The following ACSL3 variants were observed in gnomAD, a reference collection of about 807,000 sequenced individuals.
ACSL3 encodes the protein fatty acid CoA ligase Acsl3.
A neutral mutation model predicts 84.7 loss-of-function variants in ACSL3; 34 were observed. The observed-to-expected ratio is 0.40, with a 90% CI of 0.31 to 0.53. The LOEUF (loss-of-function observed/expected upper bound fraction) is 0.53. Among genes scored for constraint, ACSL3 ranks in the 20% least tolerant of loss-of-function variants. The pLI is 0.48. For synonymous variants in ACSL3, 315 were observed against 299.4 expected, an observed-to-expected ratio of 1.05 and a Z score of -0.54; for missense variants, 680 against 873.1, an observed-to-expected ratio of 0.78 and a Z score of 2.79.
intron 5 of ACSL3, among the ~76,000 whole-genome samples, chr2:222,917,055 C>T (rs1696603726): frequency 1.3e-5 from 2 of 152,236 alleles, no homozygotes; most frequent in South Asian, 4.2e-4. Flanking sequence ...AGAAAATACA[C>T]TTTCACCAGA....
rs189102164 is a variant in ACSL3 at position 222,914,185 on chromosome 2, G to A, written c.379-2134G>A. On this transcript the variant is annotated intron_variant, in intron 4 of 16. Coordinates refer to ENST00000357430, the MANE Select transcript of ACSL3 (RefSeq NM_004457.5). ...TAAAGAGGTTTTCAGTAGGAGACAA[G>A]ATTACCACCTGTAAGTAGAGAGAAG... is the stretch of plus-strand genomic sequence containing the variant. Among the ~76,000 whole-genome samples, 71 of 151,956 alleles carry A rather than the reference G, an allele frequency of 4.7e-4. 1 individual carries two copies. The highest frequency in any genetic ancestry group is 1.7e-3 in the African/African-American group (69 of 41,428).
At chr2:222,901,266 A>G (rs1696140968) in intron 3 of ACSL3, among the ~76,000 whole-genome samples, 1 of 152,232 alleles carries the variant, frequency 6.6e-6, no homozygotes, top group African/African-American at 2.4e-5. Context: ...GAAGGGTTAC[A>G]ACTTTTGCTT....
chr2:222,920,993 C>T (rs536027822), intron 7 of ACSL3: 22 of 529,666 alleles, frequency 4.2e-5, no homozygotes, highest in Admixed American at 2.0e-4. Flanking sequence ...TCTACAGAGA[C>T]GGTCTCCAGG....
intron 5 of ACSL3, chr2:222,917,604 A>T (rs1041157063): frequency 5.9e-5 from 9 of 152,678 alleles, no homozygotes; most frequent in African/African-American, 2.2e-4. Flanking sequence ...TTGCTTGAGA[A>T]TAAACGGTAC....
rs535318987 is a variant in ACSL3 at position 222,943,094 on chromosome 2, A to C, written c.*1440A>C. On this transcript the variant is annotated 3_prime_UTR_variant, in exon 17 of 17. Transcript: ENST00000357430. The stretch of plus-strand genomic sequence containing the variant: ...ATCAAAAGGCAAAAATCAAAAAAAA[A>C]AAAAACAAAAACAAAAAAAAAGATG... 1,142 of 97,690 alleles carry C rather than the reference A, an allele frequency of 0.012. 11 individuals carry two copies. The highest frequency in any genetic ancestry group is 0.041 in the African/African-American group (369 of 9,058). The allele number at this position is 97,690 out of a possible 1,614,324, so 6.1% of individuals were successfully genotyped here.
intron 1 of ACSL3, among the ~76,000 whole-genome samples, chr2:222,887,558 C>T (rs1246803271): frequency 6.6e-5 from 10 of 152,152 alleles, no homozygotes. Flanking sequence ...GAGAGTTGCT[C>T]CACATCCTTG....
chr2:222,943,165 A>G lies in ACSL3; in HGVS notation c.*1511A>G, dbSNP rs984440881. ...AAGGGGAGTGTTAGGAGCAGCCAGG[A>G]CTGTGTAGTGTGTGTTTGGTTGCAT... On this transcript the variant is annotated 3_prime_UTR_variant, in exon 17 of 17. Transcript: ENST00000357430. The G allele has an allele frequency of 1.3e-5, 3 of 225,618 alleles. No individual in the cohort carries two copies. Among genetic ancestry groups the G allele is most frequent in the Admixed American group, 1.1e-4 (2 of 17,514 alleles). The allele number at this position is 225,618 out of a possible 1,614,324, so 14.0% of individuals were successfully genotyped here.
chr2:222,871,968 C>G (rs892779126), intron 1 of ACSL3, among the ~76,000 whole-genome samples: 1 of 151,952 alleles, frequency 6.6e-6, no homozygotes. Flanking sequence ...CCACCCCCGA[C>G]TCCCTTGTTT....
chr2:222,916,411 A>G lies in ACSL3; in HGVS notation c.471A>G (p.Lys157=). ...ATGGATTACAGATGTTGGGTCAGAA[A>G]CCAAAGACCAACATCGCCATCTTCT... ...FGNGLQMLGQ[K]PKTNIAIFCE... The change falls in exon 5 of 17, where the codon AAA becomes AAG. Residue 157 remains lysine, a synonymous_variant. Transcript: ENST00000357430. 2 of 1,614,120 alleles carry G rather than the reference A, an allele frequency of 1.2e-6. No homozygotes were observed. Among genetic ancestry groups the G allele is most frequent in the Non-Finnish European group, 1.7e-6 (2 of 1,179,994 alleles).
chr2:222,880,279 A>G (rs1229050399), intron 1 of ACSL3, among the ~76,000 whole-genome samples: 2 of 152,060 alleles, frequency 1.3e-5, no homozygotes, highest in Non-Finnish European at 2.9e-5. Context: ...TCCTAGTAGG[A>G]TTTTCATTGG....
rs557140305 is a variant in ACSL3, at chr2:222,927,337, T to C, written c.1465+148T>C. ...ATTCCAAGTACTATGATCATTGATA[T>C]CAATTTTTAGAATGTATTAGATGCA... On this transcript the variant is annotated intron_variant, in intron 12 of 16. Coordinates refer to ENST00000357430, the MANE Select transcript of ACSL3 (RefSeq NM_004457.5). 1.6e-4 allele frequency: 122 copies of C among 784,892 alleles called. No individual in the cohort carries two copies. In the East Asian group the frequency reaches 2.4e-3, roughly 15 times the overall value. 48.6% of individuals were successfully genotyped at this position (784,892 alleles called of 1,614,324 possible).
intron 3 of ACSL3, among the ~76,000 whole-genome samples, chr2:222,905,518 T>G (rs2106115189): frequency 6.6e-6 from 1 of 152,334 alleles, no homozygotes; most frequent in Middle Eastern, 3.4e-3. Context: ...GTGAGAGAAC[T>G]TAGTTGGATA....
At chr2:222,902,564 T>C (rs1429861677) in intron 3 of ACSL3, among the ~76,000 whole-genome samples, 1 of 152,226 alleles carries the variant, frequency 6.6e-6, no homozygotes, top group East Asian at 1.9e-4. Flanking sequence ...AAAAAGATAT[T>C]GATGCAGGAT....
chr2:222,886,301 C>T (rs998034444), intron 1 of ACSL3, among the ~76,000 whole-genome samples: 29 of 152,278 alleles, frequency 1.9e-4, no homozygotes, highest in African/African-American at 6.7e-4. Flanking sequence ...TCTTCAACTC[C>T]CACTTATGAG....
chr2:222,929,599 G>A (rs1325235803), intron 13 of ACSL3, among the ~76,000 whole-genome samples: 1 of 152,058 alleles, frequency 6.6e-6, no homozygotes. Context: ...GACCAACATG[G>A]TGAAACCGTC....
In ACSL3 at chr2:222,876,897, C is replaced by A. The variant is rs150217234; in HGVS notation, c.-206-10933C>A. Among the ~76,000 whole-genome samples the A allele has an allele frequency of 4.6e-4, 70 of 152,178 alleles. No homozygotes were observed. In the East Asian group the frequency reaches 0.011, roughly 24 times the overall value. On this transcript the variant is annotated intron_variant, in intron 1 of 16. Coordinates refer to ENST00000357430, the MANE Select transcript of ACSL3 (RefSeq NM_004457.5). Reference sequence around the variant, plus strand: ...CTCATAGGAAGGACATCTAACCCAGCCTTGATGGAGGAGGGGAGATAAACG... The same window carrying A: ...CTCATAGGAAGGACATCTAACCCAGACTTGATGGAGGAGGGGAGATAAACG...
chr2:222,905,092 T>G (rs935800225), intron 3 of ACSL3: 1 of 152,364 alleles, frequency 6.6e-6, no homozygotes, highest in Non-Finnish European at 1.5e-5. Context: ...AAAAGGATTG[T>G]TCAGGGGTGG....
chr2:222,867,017 T>TA (rs1695167722), intron 1 of ACSL3, among the ~76,000 whole-genome samples: 1 of 151,718 alleles, frequency 6.6e-6, no homozygotes, highest in Non-Finnish European at 1.5e-5. Flanking sequence ...GTATTTTTGG[T>TA]AGAGATGGGG....
intron 16 of ACSL3, among the ~76,000 whole-genome samples, chr2:222,935,671 G>A (rs558846604): frequency 6.6e-6 from 1 of 152,190 alleles, no homozygotes; most frequent in Non-Finnish European, 1.5e-5. Context: ...GAAACCTTGT[G>A]TATTATTTCT....
Sources: allele counts gnomAD v4.1 joint callset (sites outside exome capture counted in the v4.1 genomes callset), GRCh38; gene constraint gnomAD v4.1.1; transcripts MANE v1.5; gene names NCBI Gene and HGNC (gene_info 2026-07-23, HGNC 2026-07-21).